The following KIF2C variants were observed in gnomAD, a reference collection of about 807,000 sequenced individuals.
The protein encoded by KIF2C is kinesin-like protein KIF2C.
In KIF2C, 34 loss-of-function variants were observed where a neutral mutation model predicts 97.4. The ratio of observed to expected loss-of-function variants is 0.35; its 90% CI spans 0.27 to 0.46. The LOEUF (loss-of-function observed/expected upper bound fraction) is 0.46, where lower values mean the gene tolerates loss of function less well. Ranked by LOEUF, KIF2C falls within the 20% of genes least tolerant of loss-of-function variation. KIF2C has a pLI of 1.00. For missense variants in KIF2C, 750 were observed against 907.6 expected, an observed-to-expected ratio of 0.83 and a Z score of 2.23; for synonymous variants, 313 against 318.2, an observed-to-expected ratio of 0.98 and a Z score of 0.17.
chr1:44,740,055 A>T (rs1429942168), intron 1 of KIF2C, 53 bp downstream of exon 1: 1 of 1,600,318 alleles, frequency 6.2e-7, no homozygotes, highest in South Asian at 1.1e-5. Flanking sequence ...GAGACGACTG[A>T]AATTACTGCC....
chr1:44,764,524 G>T (rs548513152), intron 19 of KIF2C, among the ~76,000 whole-genome samples: 2 of 149,076 alleles, frequency 1.3e-5, no homozygotes, highest in East Asian at 4.1e-4. Context: ...TTTGTTTTGG[G>T]GGGGGATGGA....
chr1:44,765,262 T>C (rs141387848), intron 19 of KIF2C, among the ~76,000 whole-genome samples: 4 of 151,364 alleles, frequency 2.6e-5, no homozygotes, highest in South Asian at 2.1e-4. Flanking sequence ...CTACAAAAAA[T>C]AAAAATAAAT....
At chr1:44,762,323 C>G in intron 17 of KIF2C, 23 bp from the exon 18 acceptor site, 1 of 1,593,494 alleles carries the variant, frequency 6.3e-7, no homozygotes, top group Non-Finnish European at 8.6e-7. Flanking sequence ...GCTGTGGGAT[C>G]TGAGACCTCC....
chr1:44,744,909 G>T (rs1649109315), intron 2 of KIF2C, among the ~76,000 whole-genome samples: 1 of 151,022 alleles, frequency 6.6e-6, no homozygotes, highest in Non-Finnish European at 1.5e-5. Flanking sequence ...TCTAAAAAAG[G>T]CCGGGCGTGG....
chr1:44,766,881 T>A lies in KIF2C; in HGVS notation c.2027T>A (p.Leu676Gln). 6.2e-7 allele frequency: 1 copy of A among 1,614,228 alleles called. No individual in the cohort carries two copies. Among genetic ancestry groups the A allele is most frequent in the Non-Finnish European group, 8.5e-7 (1 of 1,180,030 alleles). ...SEMTEQPDYD[L>Q]ETFVNKAESA... ...ATGACCGAGCAGCCAGACTATGACCTGGAGACCTTTGTGAACAAAGCGGAA... is the reference window on the plus strand; with the variant it reads ...ATGACCGAGCAGCCAGACTATGACCAGGAGACCTTTGTGAACAAAGCGGAA... Residue 676 changes from leucine to glutamine, a missense_variant, in exon 20 of 21, where the codon CTG (leucine) becomes CAG (glutamine). Physicochemically the swap from Leu to Gln is moderately radical, Grantham distance 113. Transcript: ENST00000372224.
chr1:44,741,435 G>A (rs1466224948), intron 2 of KIF2C, among the ~76,000 whole-genome samples: 2 of 150,232 alleles, frequency 1.3e-5, no homozygotes, highest in African/African-American at 4.9e-5. Flanking sequence ...CTCTAATCCC[G>A]ACACTTTGAG....
In KIF2C at chr1:44,757,648, T is replaced by C; in HGVS notation, c.1068+2T>C. ...CAGACAGGAAGTGGCAAGACACATG[T>C]GAGTATTGAGGCCTGGCGGGGAAAG... On this transcript the variant is annotated splice_donor_variant, in intron 11 of 20. Transcript: ENST00000372224. LOFTEE classifies it high-confidence loss of function. The C allele has an allele frequency of 6.2e-7, 1 of 1,600,694 alleles. No homozygotes were observed. Among genetic ancestry groups the C allele is most frequent in the Non-Finnish European group, 8.6e-7 (1 of 1,167,822 alleles).
Position 44,767,179 on chromosome 1 carries a change from A to C in KIF2C, c.2178A>C (p.Ter726CysextTer10). The C allele has an allele frequency of 6.2e-7, 1 of 1,613,886 alleles. No homozygotes were observed. Among genetic ancestry groups the C allele is most frequent in the Non-Finnish European group, 8.5e-7 (1 of 1,179,816 alleles). Residue 726 changes from the stop codon to cysteine (C), a stop_lost, in exon 21 of 21, where the codon TGA (stop) becomes TGC (cysteine). Transcript: ENST00000372224. ...TAAGCAGCAAGAAACGGCCCCAGTG[A>C]CGACTGCAAATAAAAATCTGTTTGG... ...RQISSKKRPQ[*>C]
intron 19 of KIF2C, among the ~76,000 whole-genome samples, chr1:44,766,023 A>G (rs1047742644): frequency 9.3e-5 from 14 of 151,106 alleles, no homozygotes; most frequent in African/African-American, 3.2e-4. Context: ...CTGCACTCCA[A>G]CCTGGCGACA....
intron 19 of KIF2C, among the ~76,000 whole-genome samples, chr1:44,764,379 G>C (rs1023252588): frequency 6.6e-6 from 1 of 152,038 alleles, no homozygotes; most frequent in Non-Finnish European, 1.5e-5. Context: ...GTTTTACCAT[G>C]TTGGCCAGGC....
chr1:44,758,147 G>A lies in KIF2C; in HGVS notation c.1224+7G>A. 1.2e-6 allele frequency: 2 copies of A among 1,612,796 alleles called. No homozygotes were observed. The highest frequency in any genetic ancestry group is 1.7e-6 in the Non-Finnish European group (2 of 1,178,934). ...CGAGATCTACAATGGGAAGGTAGCTGGCAGGAAGCCCCTTGTTTACACTGT... is the reference window on the plus strand; with the variant it reads ...CGAGATCTACAATGGGAAGGTAGCTAGCAGGAAGCCCCTTGTTTACACTGT... On this transcript the variant is annotated splice_region_variant and intron_variant, in intron 13 of 20. Transcript: ENST00000372224.
chr1:44,762,510 G>T (rs1282314031), intron 18 of KIF2C, 35 bp from the exon 19 acceptor site: 14 of 1,609,588 alleles, frequency 8.7e-6, no homozygotes, highest in Non-Finnish European at 1.2e-5. Flanking sequence ...GCGGCACCTG[G>T]GTCACATAAT....
intron 4 of KIF2C, among the ~76,000 whole-genome samples, chr1:44,749,469 G>C (rs546606650): frequency 6.6e-6 from 1 of 151,342 alleles, no homozygotes; most frequent in Non-Finnish European, 1.5e-5. Flanking sequence ...AGATCATTTG[G>C]GGCTAGATGT....
intron 1 of KIF2C, 48 bp from the exon 2 acceptor site, chr1:44,740,865 A>C: frequency 7.6e-7 from 1 of 1,318,156 alleles, no homozygotes; most frequent in Non-Finnish European, 1.1e-6. Context: ...CTAAAAGTGA[A>C]GCTCTCAGGA....
At chr1:44,748,430 TGTG>T (rs1649333782) in intron 4 of KIF2C, among the ~76,000 whole-genome samples, 1 of 152,140 alleles carries the variant, frequency 6.6e-6, no homozygotes, top group Non-Finnish European at 1.5e-5. Flanking sequence ...GCCTGACTAT[TGTG>T]GTGCTGGCCC....
intron 13 of KIF2C, 36 bp downstream of exon 13, chr1:44,758,176 G>C: frequency 6.3e-7 from 1 of 1,583,150 alleles, no homozygotes; most frequent in Non-Finnish European, 8.7e-7. Flanking sequence ...ACACTGTTGG[G>C]GCCCAGCACT....
chr1:44,751,183 T>G (rs920773387), intron 5 of KIF2C, among the ~76,000 whole-genome samples: 1 of 136,066 alleles, frequency 7.3e-6, no homozygotes, highest in African/African-American at 3.0e-5. Flanking sequence ...TCTTTCTGTA[T>G]TTTATTATTT....
Position 44,753,728 on chromosome 1 carries a change from C to A in KIF2C, c.563-5C>A. On this transcript the variant is annotated splice_region_variant and splice_polypyrimidine_tract_variant and intron_variant, in intron 6 of 20. Transcript: ENST00000372224. ...TTTTTTTCTTTTTTTTTTATGTTTT[C>A]ATAGTTCGGAGGAAATCATGTCTTG... is the stretch of plus-strand genomic sequence containing the variant. 2 of 1,552,358 alleles carry A rather than the reference C, an allele frequency of 1.3e-6. No homozygotes were observed. Among genetic ancestry groups the A allele is most frequent in the Non-Finnish European group, 1.7e-6 (2 of 1,147,770 alleles).
intron 4 of KIF2C, among the ~76,000 whole-genome samples, chr1:44,749,424 G>T (rs777902441): frequency 6.6e-6 from 1 of 151,350 alleles, no homozygotes; most frequent in Non-Finnish European, 1.5e-5. Context: ...GACAGAGTGA[G>T]ACTCGGTCTC....
Sources: gnomAD v4.1 joint callset for allele counts (sites outside exome capture counted in the v4.1 genomes callset) on GRCh38, gnomAD v4.1.1 for gene constraint, MANE v1.5 for transcripts, NCBI Gene and HGNC (gene_info 2026-07-23, HGNC 2026-07-21) for gene names.